ACTN4: variants seen among roughly 807,000 people sequenced by gnomAD.
The protein encoded by ACTN4 is alpha-actinin-4.
In ACTN4, 18 loss-of-function variants were observed where a neutral mutation model predicts 114.2. The ratio of observed to expected loss-of-function variants is 0.16; its 90% CI spans 0.11 to 0.23. The LOEUF is 0.23. ACTN4 is among the 10% of genes least tolerant of loss of function. The probability of loss-of-function intolerance (pLI) is 1.00; values close to 1 mark genes in which losing one functional copy is unlikely to be tolerated. For synonymous variants in ACTN4, 515 were observed against 506.3 expected (o/e 1.02, Z -0.23); for missense variants, 722 against 1,262.9 (o/e 0.57, Z 6.49).
At chr19:38,704,775 C>T (rs1221201755) in intron 3 of ACTN4, among the ~76,000 whole-genome samples, 159 bp from the exon 4 acceptor site, 1 of 152,232 alleles carries the variant, frequency 6.6e-6, no homozygotes, top group Non-Finnish European at 1.5e-5. Context: ...TGCATTTTCT[C>T]CTGAGGGAGG....
Position 38,717,017 on chromosome 19 carries a change from G to A in ACTN4, c.913-69G>A. On this transcript the variant is annotated intron_variant, in intron 9 of 20. Coordinates refer to ENST00000252699, the MANE Select transcript of ACTN4 (RefSeq NM_004924.6). This position sits in a 1 kb window ranked among gnomAD's most constrained non-coding sequence, Gnocchi z 4.0. The stretch of plus-strand genomic sequence containing the variant: ...AGATCCAGATCCCATGTGCCCATAA[G>A]CTGGGGGGCAGCCCGTCAGCACTCT... 1.3e-6 allele frequency: 2 copies of A among 1,510,456 alleles called. No homozygotes were observed. Among genetic ancestry groups the A allele is most frequent in the Non-Finnish European group, 1.8e-6 (2 of 1,109,766 alleles). 93.6% of individuals were successfully genotyped at this position (1,510,456 alleles called of 1,614,324 possible). A position where few individuals can be genotyped will look rare whatever the true frequency, so the allele number is the denominator to read the frequency against.
Position 38,727,752 on chromosome 19 carries a change from GGA to G in ACTN4, c.2338-193_2338-192del. 1.6e-6 allele frequency: 1 copy of G among 611,000 alleles called. No individual in the cohort carries two copies. The highest frequency in any genetic ancestry group is 2.9e-6 in the Non-Finnish European group (1 of 343,210). 37.8% of individuals were successfully genotyped at this position (611,000 alleles called of 1,614,324 possible). A position where few individuals can be genotyped will look rare whatever the true frequency, so the allele number is the denominator to read the frequency against. ...CCTTCCTTTGAGCTTCCGAGGTTGG[GGA>G]AAGGATGAAAGGGGCCCGTGCCGCC... On this transcript the variant is annotated intron_variant, in intron 18 of 20. Transcript: ENST00000252699. The surrounding 1 kb of genome is among the most constrained non-coding windows in gnomAD (Gnocchi z 5.4).
At chr19:38,691,664 A>C (rs1599806187) in intron 1 of ACTN4, among the ~76,000 whole-genome samples, 1 of 152,218 alleles carries the variant, frequency 6.6e-6, no homozygotes. Flanking sequence ...GCACTTTGGG[A>C]GGCTGAGGCG....
At position 38,730,970 on chromosome 19, in the gene ACTN4, T is replaced by C. The variant is rs1321083287; in HGVS notation, c.*1538T>C. The C allele has an allele frequency of 5.8e-6, 9 of 1,550,850 alleles. No individual in the cohort carries two copies. The South Asian group carries it at 9.5e-5, about 16-fold the overall frequency. On this transcript the variant is annotated 3_prime_UTR_variant, in exon 21 of 21. Transcript: ENST00000252699. ...GTCCCTCCCACCTGGCTCACCTGTC[T>C]GTGGGTCAGGCAGATGACCCCCTCA...
At chr19:38,690,283 A>T (rs1050544638) in intron 1 of ACTN4, among the ~76,000 whole-genome samples, 2 of 152,144 alleles carry the variant, frequency 1.3e-5, no homozygotes, top group African/African-American at 4.8e-5. Flanking sequence ...ACTGCTGTTC[A>T]CCGCCATCAC....
chr19:38,647,958 C>T (rs1221700300), intron 1 of ACTN4, 51 bp downstream of exon 1: 2 of 621,724 alleles, frequency 3.2e-6, no homozygotes, highest in Non-Finnish European at 2.1e-6. Context: ...TGAGGGGGCC[C>T]GGGGAGGGGT....
chr19:38,659,382 T>C (rs1010290719), intron 1 of ACTN4, among the ~76,000 whole-genome samples: 1 of 152,098 alleles, frequency 6.6e-6, no homozygotes, highest in African/African-American at 2.4e-5. Context: ...TTAACACTGA[T>C]GAGGCACAAG....
In ACTN4 at chr19:38,647,682, C is replaced by T. The variant is rs868056330; in HGVS notation, c.-64C>T. ...TGAAGCGGCGGTAGCGGCGGCGGCTCGGGCAGAGGGGCGGGAGCTGAGGCG... is the reference window on the plus strand; with the variant it reads ...TGAAGCGGCGGTAGCGGCGGCGGCTTGGGCAGAGGGGCGGGAGCTGAGGCG... On this transcript the variant is annotated 5_prime_UTR_variant, in exon 1 of 21. Coordinates refer to ENST00000252699, the MANE Select transcript of ACTN4 (RefSeq NM_004924.6). 2.7e-6 allele frequency: 4 copies of T among 1,490,594 alleles called. No homozygotes were observed. The highest frequency in any genetic ancestry group is 4.5e-5 in the Admixed American group (2 of 44,022). 92.3% of individuals were successfully genotyped at this position (1,490,594 alleles called of 1,614,324 possible). A position where few individuals can be genotyped will look rare whatever the true frequency, so the allele number is the denominator to read the frequency against.
At chr19:38,673,527 T>TCATATA (rs1379087897) in intron 1 of ACTN4, among the ~76,000 whole-genome samples, 4 of 100,854 alleles carry the variant, frequency 4.0e-5, no homozygotes, top group African/African-American at 1.5e-4. Context: ...TTATATATAT[T>TCATATA]CATATATACT....
At chr19:38,670,921 T>TAA (rs543111965) in intron 1 of ACTN4, among the ~76,000 whole-genome samples, 6 of 124,094 alleles carry the variant, frequency 4.8e-5, no homozygotes, top group South Asian at 2.6e-4. Flanking sequence ...TACTCCAACT[T>TAA]AAAAAAAAAA....
At chr19:38,670,758 A>G (rs933379636) in intron 1 of ACTN4, among the ~76,000 whole-genome samples, 2 of 151,932 alleles carry the variant, frequency 1.3e-5, no homozygotes, top group African/African-American at 4.8e-5. Context: ...CCCCATCTCT[A>G]CTAAAAATAC....
chr19:38,680,659 C>T (rs1967536548), intron 1 of ACTN4, among the ~76,000 whole-genome samples: 1 of 152,172 alleles, frequency 6.6e-6, no homozygotes, highest in Admixed American at 6.5e-5. Flanking sequence ...TGGCATTGCC[C>T]ATTTGTCAGC....
intron 1 of ACTN4, among the ~76,000 whole-genome samples, chr19:38,698,104 G>T (rs2144981965): frequency 6.6e-6 from 1 of 152,294 alleles, no homozygotes; most frequent in South Asian, 2.1e-4. Flanking sequence ...GGACAGAGCA[G>T]GCACACTGTG....
chr19:38,693,332 C>T (rs934251795), intron 1 of ACTN4, among the ~76,000 whole-genome samples: 1 of 152,202 alleles, frequency 6.6e-6, no homozygotes, highest in Non-Finnish European at 1.5e-5. Flanking sequence ...CAAGAGACTC[C>T]CTTTATTCTG....
chr19:38,701,932 G>A (rs1216257194), intron 3 of ACTN4, among the ~76,000 whole-genome samples: 3 of 152,252 alleles, frequency 2.0e-5, no homozygotes, highest in African/African-American at 7.2e-5. Flanking sequence ...CAAGACTCCG[G>A]GCCAGAATGT....
At chr19:38,650,882 T>A (rs1976542139) in intron 1 of ACTN4, among the ~76,000 whole-genome samples, 1 of 152,132 alleles carries the variant, frequency 6.6e-6, no homozygotes, top group South Asian at 2.1e-4. Flanking sequence ...AATACGGGCA[T>A]GCGCCACCAC....
rs1026472518 is a variant in ACTN4 at position 38,730,759 on chromosome 19, C to T, written c.*1327C>T. On this transcript the variant is annotated 3_prime_UTR_variant, in exon 21 of 21. Transcript: ENST00000252699. ...AGACTAGCCCCAGACAGGTGGATGC[C>T]AGAGAGAGTGGCACCCATGCCAGGC... 2.0e-5 allele frequency: 29 copies of T among 1,482,714 alleles called. No homozygotes were observed. Among genetic ancestry groups the T allele is most frequent in the African/African-American group, 7.0e-5 (5 of 71,600 alleles). The allele number at this position is 1,482,714 out of a possible 1,614,324, so 91.8% of individuals were successfully genotyped here. A position where few individuals can be genotyped will look rare whatever the true frequency, so the allele number is the denominator to read the frequency against.
intron 11 of ACTN4, 102 bp downstream of exon 11, chr19:38,718,176 G>T (rs1382031275): frequency 6.5e-7 from 1 of 1,539,662 alleles, no homozygotes; most frequent in African/African-American, 1.4e-5. Context: ...CTGCCACGTT[G>T]GGTCTGTTTC....
rs1013387366 is a variant in ACTN4, at chr19:38,704,718, C to T, written c.398-216C>T. 5.9e-5 allele frequency among the ~76,000 whole-genome samples: 9 copies of T among 152,342 alleles called. 1 individual carries two copies. The South Asian group carries it at 1.7e-3, about 28-fold the overall frequency. ...CCTTGTGGCCAGAAGCCTGCAGGCG[C>T]TCAGCAGCAGGAGGCTCTGGGACAG... is the stretch of plus-strand genomic sequence containing the variant. On this transcript the variant is annotated intron_variant, in intron 3 of 20. Transcript: ENST00000252699.
Sources: allele counts gnomAD v4.1 joint callset (sites outside exome capture counted in the v4.1 genomes callset), GRCh38; gene constraint gnomAD v4.1.1; non-coding constraint Gnocchi (gnomAD v3.1); transcripts MANE v1.5; gene names NCBI Gene and HGNC (gene_info 2026-07-23, HGNC 2026-07-21).